Variants in ESF1 observed in about 807,000 individuals in gnomAD.
The protein encoded by ESF1 is ESF1 homolog.
ESF1 carries 58 observed loss-of-function variants against 92.0 expected under a neutral mutation model. The observed-to-expected ratio is 0.63, with a 90% CI of 0.51 to 0.78. The LOEUF (loss-of-function observed/expected upper bound fraction) is 0.78, where lower values mean the gene tolerates loss of function less well. Among genes scored for constraint, ESF1 ranks in the 30% least tolerant of loss-of-function variants. ESF1 has a pLI of 0.00. For missense variants in ESF1, 922 were observed against 989.1 expected, an observed-to-expected ratio of 0.93 and a Z score of 0.91; for synonymous variants, 321 against 313.7, an observed-to-expected ratio of 1.02 and a Z score of -0.24.
At chr20:13,777,316 T>C (rs1368859020) in intron 2 of ESF1, among the ~76,000 whole-genome samples, 3 of 152,170 alleles carry the variant, frequency 2.0e-5, no homozygotes, top group Non-Finnish European at 4.4e-5. Context: ...AGATGAGTCA[T>C]AGCTTCTTAG....
rs148288260 is a variant in ESF1, at chr20:13,721,372, T to C, written c.2039-2388A>G. ...AACAAGAGGTTAAAATCGTCTCTCA[T>C]GTAGTATACCTTCACGTTGGGAAAG... is the stretch of plus-strand genomic sequence containing the variant. On this transcript the variant is annotated intron_variant, in intron 11 of 13. Transcript: ENST00000617257. 1.7e-3 allele frequency among the ~76,000 whole-genome samples: 255 copies of C among 152,280 alleles called. 1 individual carries two copies. The highest frequency in any genetic ancestry group is 5.7e-3 in the African/African-American group (238 of 41,554).
intron 9 of ESF1, among the ~76,000 whole-genome samples, chr20:13,745,994 G>A (rs6042332): frequency 0.15 from 23,471 of 152,022 alleles, 2,292 homozygotes; most frequent in East Asian, 0.42. Flanking sequence ...ACAGAGTCTC[G>A]CTCTGTCACC....
chr20:13,714,761 A>T lies in ESF1; in HGVS notation c.*113T>A. 9.9e-7 allele frequency: 1 copy of T among 1,009,004 alleles called. No individual in the cohort carries two copies. The highest frequency in any genetic ancestry group is 1.4e-6 in the Non-Finnish European group (1 of 719,010). The allele number at this position is 1,009,004 out of a possible 1,614,324, so 62.5% of individuals were successfully genotyped here. A position where few individuals can be genotyped will look rare whatever the true frequency, so the allele number is the denominator to read the frequency against. On this transcript the variant is annotated 3_prime_UTR_variant, in exon 14 of 14. Transcript: ENST00000617257. The stretch of plus-strand genomic sequence containing the variant: ...GAAAAATTTTACTATGTCCAGAAAA[A>T]GATTTTATTCATGTTCTTGAAAGAT...
chr20:13,748,592 A>ATATT (rs1331098586), intron 9 of ESF1, among the ~76,000 whole-genome samples: 2 of 95,724 alleles, frequency 2.1e-5, no homozygotes, highest in African/African-American at 1.3e-4. Flanking sequence ...ATATATATAT[A>ATATT]TTTTTTTTTT....
chr20:13,717,149 G>A (rs1421335959), intron 13 of ESF1, among the ~76,000 whole-genome samples: 1 of 151,746 alleles, frequency 6.6e-6, no homozygotes, highest in African/African-American at 2.4e-5. Context: ...TAGAGATGAG[G>A]GTCCCACTAT....
chr20:13,756,369 T>C (rs539641610), intron 9 of ESF1, among the ~76,000 whole-genome samples: 22 of 152,336 alleles, frequency 1.4e-4, no homozygotes, highest in African/African-American at 4.3e-4. Flanking sequence ...CATTAAAATA[T>C]CAATTTTCCC....
At chr20:13,752,475 TA>T in intron 9 of ESF1, among the ~76,000 whole-genome samples, 1 of 152,186 alleles carries the variant, frequency 6.6e-6, no homozygotes, top group African/African-American at 2.4e-5. Flanking sequence ...CTGGTTATTT[TA>T]AAAGTTCTGG....
chr20:13,722,486 A>G (rs1268035480), intron 11 of ESF1, among the ~76,000 whole-genome samples: 3 of 152,194 alleles, frequency 2.0e-5, no homozygotes, highest in African/African-American at 7.2e-5. Context: ...GATGAACAGT[A>G]CTAGGGAAAT....
chr20:13,755,006 T>C (rs1357747752), intron 9 of ESF1, among the ~76,000 whole-genome samples: 1 of 152,238 alleles, frequency 6.6e-6, no homozygotes, highest in Non-Finnish European at 1.5e-5. Context: ...CTCCCTGACC[T>C]CTACTTTCTT....
intron 13 of ESF1, among the ~76,000 whole-genome samples, chr20:13,716,676 T>A (rs2049828231): frequency 2.0e-5 from 3 of 150,308 alleles, no homozygotes; most frequent in Non-Finnish European, 4.4e-5. Context: ...GGTCTTGTTC[T>A]GTTGCCCAGG....
chr20:13,784,011 A>T (rs1980455216), intron 1 of ESF1, among the ~76,000 whole-genome samples: 1 of 152,186 alleles, frequency 6.6e-6, no homozygotes, highest in African/African-American at 2.4e-5. Flanking sequence ...TTTAAATTCG[A>T]TCATCCTTCA....
At chr20:13,751,031 G>GT (rs1234564875) in intron 9 of ESF1, among the ~76,000 whole-genome samples, 1 of 152,090 alleles carries the variant, frequency 6.6e-6, no homozygotes, top group Non-Finnish European at 1.5e-5. Flanking sequence ...ACTCAAAAAC[G>GT]TATCTGTGAG....
intron 8 of ESF1, among the ~76,000 whole-genome samples, chr20:13,761,869 G>T (rs1156856887): frequency 1.3e-5 from 2 of 152,148 alleles, no homozygotes; most frequent in East Asian, 1.9e-4. Context: ...CAGAAACCTG[G>T]GTTTTAATGC....
At chr20:13,778,939 G>A (rs567141900) in intron 2 of ESF1, among the ~76,000 whole-genome samples, 4 of 152,060 alleles carry the variant, frequency 2.6e-5, no homozygotes, top group Non-Finnish European at 5.9e-5. Context: ...CCAGTGACTC[G>A]GAAGGCTGAG....
intron 9 of ESF1, among the ~76,000 whole-genome samples, chr20:13,743,181 C>A (rs1370664918): frequency 6.6e-6 from 1 of 152,094 alleles, no homozygotes; most frequent in Admixed American, 6.5e-5. Flanking sequence ...AGATGCAAAT[C>A]AAAACCATGA....
intron 1 of ESF1, 122 bp downstream of exon 1, chr20:13,784,758 C>T: frequency 4.9e-6 from 2 of 407,938 alleles, no homozygotes; most frequent in South Asian, 5.0e-5. Flanking sequence ...GAGGAAGGGG[C>T]AAAACCCCTC....
intron 7 of ESF1, among the ~76,000 whole-genome samples, chr20:13,767,912 A>G (rs1213231961): frequency 1.3e-5 from 2 of 152,336 alleles, no homozygotes; most frequent in South Asian, 4.1e-4. Flanking sequence ...AGCTAGTCAG[A>G]GGATTCAGAA....
At chr20:13,731,085 G>A (rs1310192354) in intron 10 of ESF1, among the ~76,000 whole-genome samples, 1 of 152,048 alleles carries the variant, frequency 6.6e-6, no homozygotes, top group East Asian at 1.9e-4. Context: ...GCTGACCAAC[G>A]AGTCCAGACT....
intron 9 of ESF1, among the ~76,000 whole-genome samples, chr20:13,756,928 T>C (rs1010790133): frequency 3.9e-4 from 60 of 152,206 alleles, no homozygotes; most frequent in Non-Finnish European, 1.2e-4. Flanking sequence ...TGGCTGCTCA[T>C]GAAAATGAAG....
Sources: allele counts gnomAD v4.1 joint callset (sites outside exome capture counted in the v4.1 genomes callset), GRCh38; gene constraint gnomAD v4.1.1; transcripts MANE v1.5; gene names NCBI Gene and HGNC (gene_info 2026-07-23, HGNC 2026-07-21).